GPC6: variants seen among roughly 807,000 people sequenced by gnomAD.
GPC6 encodes glypican-6.
A neutral mutation model predicts 55.2 loss-of-function variants in GPC6; 14 were observed. The ratio of observed to expected loss-of-function variants is 0.25; its 90% CI spans 0.17 to 0.40. GPC6 has a LOEUF of 0.40. Among genes scored for constraint, GPC6 ranks in the 10% least tolerant of loss-of-function variants. The pLI is 1.00. For synonymous variants in GPC6, 278 were observed against 259.6 expected (o/e 1.07, Z -0.68); for missense variants, 641 against 708.5 (o/e 0.90, Z 1.08).
intron 1 of GPC6, among the ~76,000 whole-genome samples, chr13:93,362,270 A>G (rs1448414808): frequency 6.6e-6 from 1 of 152,134 alleles, no homozygotes; most frequent in African/African-American, 2.4e-5. Flanking sequence ...GTTGCCCTGT[A>G]TTCTTCCAAG....
At chr13:93,858,087 A>G (rs548082459) in intron 3 of GPC6, among the ~76,000 whole-genome samples, 2 of 151,590 alleles carry the variant, frequency 1.3e-5, no homozygotes, top group African/African-American at 4.8e-5. Context: ...TTTAAATAAT[A>G]TTAATTATAA....
intron 2 of GPC6, among the ~76,000 whole-genome samples, chr13:93,811,926 TTA>T (rs1206013423): frequency 6.6e-6 from 1 of 152,088 alleles, no homozygotes; most frequent in Non-Finnish European, 1.5e-5. Context: ...ACACTTACTG[TTA>T]TAAGAGAAAG....
intron 3 of GPC6, among the ~76,000 whole-genome samples, chr13:93,970,718 G>A (rs543410672): frequency 6.6e-6 from 1 of 152,292 alleles, no homozygotes; most frequent in South Asian, 2.1e-4. Flanking sequence ...GCCTTGCTCA[G>A]TGCCCTGACA....
At chr13:94,272,528 G>A (rs1892070009) in intron 4 of GPC6, among the ~76,000 whole-genome samples, 1 of 138,982 alleles carries the variant, frequency 7.2e-6, no homozygotes. Context: ...GAGTGCAGTG[G>A]TGCCATCTCA....
chr13:93,789,084 A>G (rs1036564036), intron 2 of GPC6, among the ~76,000 whole-genome samples: 2 of 151,986 alleles, frequency 1.3e-5, no homozygotes, highest in African/African-American at 4.8e-5. Flanking sequence ...AATCAAGGAT[A>G]GCATCAAGGT....
At position 94,231,011 on chromosome 13, in the gene GPC6, C is replaced by T. The variant is rs569665678; in HGVS notation, c.878-55338C>T. ...ACATTGCCTGGCACATAAGGTAGCA[C>T]GTAGCTACATTAAAAAGAATGTACA... is the stretch of plus-strand genomic sequence containing the variant. On this transcript the variant is annotated intron_variant, in intron 4 of 8. Coordinates refer to ENST00000377047, the MANE Select transcript of GPC6 (RefSeq NM_005708.5). Among the ~76,000 whole-genome samples the T allele has an allele frequency of 1.8e-4, 28 of 152,190 alleles. No homozygotes were observed. In the Middle Eastern group the frequency reaches 0.01, roughly 55 times the overall value.
At chr13:93,340,721 G>T (rs1880226398) in intron 1 of GPC6, among the ~76,000 whole-genome samples, 1 of 152,130 alleles carries the variant, frequency 6.6e-6, no homozygotes, top group African/African-American at 2.4e-5. Flanking sequence ...AGGCCTATAG[G>T]CCTCATCATG....
intron 3 of GPC6, chr13:93,836,154 A>G (rs2138990553): frequency 6.6e-6 from 1 of 152,318 alleles, no homozygotes; most frequent in Middle Eastern, 3.4e-3. Context: ...CCTAGAAAGC[A>G]ACAGACAAAG....
In GPC6 at chr13:94,027,871, A is replaced by G. The variant is rs1882963275; in HGVS notation, c.854A>G (p.Asp285Gly). Residue 285 changes from aspartate to glycine, a missense_variant, in exon 4 of 9, where the codon GAC becomes GGC. Coordinates refer to ENST00000377047, the MANE Select transcript of GPC6 (RefSeq NM_005708.5). ...KGCLANQADL[D>G]TEWNLFIDAM... ...TGCTTGGCAAATCAGGCTGACCTCG[A>G]CACAGAGTGGAATCTGTTTATAGGT... 6.2e-7 allele frequency: 1 copy of G among 1,614,108 alleles called. No individual in the cohort carries two copies. Among genetic ancestry groups the G allele is most frequent in the Non-Finnish European group, 8.5e-7 (1 of 1,180,002 alleles).
chr13:93,619,898 G>A (rs895578163), intron 2 of GPC6, among the ~76,000 whole-genome samples: 8 of 151,774 alleles, frequency 5.3e-5, no homozygotes, highest in African/African-American at 1.9e-4. Context: ...TTGATATAAG[G>A]CATGAAAATG....
At chr13:94,251,636 A>G (rs1250428495) in intron 4 of GPC6, among the ~76,000 whole-genome samples, 1 of 152,020 alleles carries the variant, frequency 6.6e-6, no homozygotes, top group East Asian at 1.9e-4. Flanking sequence ...GTCCTTTGTT[A>G]CAACTTGTGA....
intron 6 of GPC6, among the ~76,000 whole-genome samples, chr13:94,364,091 C>T (rs949952905): frequency 2.0e-5 from 3 of 152,174 alleles, no homozygotes; most frequent in Non-Finnish European, 2.9e-5. Context: ...TTGTGGCTTA[C>T]ATGATGTTTC....
chr13:93,324,452 A>G (rs1879567152), intron 1 of GPC6, among the ~76,000 whole-genome samples: 3 of 151,480 alleles, frequency 2.0e-5, no homozygotes, highest in Non-Finnish European at 4.4e-5. Context: ...AACACAAAGG[A>G]TAGATACTTA....
chr13:93,987,531 G>C (rs1329999686), intron 3 of GPC6, among the ~76,000 whole-genome samples: 1 of 152,198 alleles, frequency 6.6e-6, no homozygotes, highest in African/African-American at 2.4e-5. Flanking sequence ...AAATTTGACT[G>C]TGACTATGAA....
chr13:94,297,597 G>T (rs1875412681), intron 5 of GPC6, among the ~76,000 whole-genome samples: 1 of 152,146 alleles, frequency 6.6e-6, no homozygotes, highest in South Asian at 2.1e-4. Flanking sequence ...CAAATGAAAA[G>T]AATTTCTTTT....
At chr13:93,434,999 C>A (rs926142677) in intron 1 of GPC6, among the ~76,000 whole-genome samples, 1 of 152,202 alleles carries the variant, frequency 6.6e-6, no homozygotes, top group African/African-American at 2.4e-5. Context: ...GCCACTATGC[C>A]CAGCCTCATT....
At chr13:93,762,944 T>C (rs1309248904) in intron 2 of GPC6, among the ~76,000 whole-genome samples, 1 of 152,220 alleles carries the variant, frequency 6.6e-6, no homozygotes, top group Non-Finnish European at 1.5e-5. Flanking sequence ...GAGATACGAC[T>C]GACAAGCTGT....
chr13:94,184,132 T>G (rs1360969863), intron 4 of GPC6, among the ~76,000 whole-genome samples: 3 of 152,100 alleles, frequency 2.0e-5, no homozygotes, highest in Non-Finnish European at 4.4e-5. Flanking sequence ...GAACCCAAGA[T>G]GGATTAAAGA....
Position 94,036,547 on chromosome 13 carries a change from A to G in GPC6, c.877+8653A>G, listed in dbSNP as rs894704823. ...AATTAGATGCCAAATAAGGCTGTCA[A>G]TATTCACCACTAAAATCTCAAGGCT... On this transcript the variant is annotated intron_variant, in intron 4 of 8. Transcript: ENST00000377047. 1.1e-4 allele frequency among the ~76,000 whole-genome samples: 16 copies of G among 152,168 alleles called. 1 individual carries two copies. The highest frequency in any genetic ancestry group is 3.4e-3 in the Middle Eastern group (1 of 294).
Sources: allele counts gnomAD v4.1 joint callset (sites outside exome capture counted in the v4.1 genomes callset), GRCh38; gene constraint gnomAD v4.1.1; transcripts MANE v1.5; gene names NCBI Gene and HGNC (gene_info 2026-07-23, HGNC 2026-07-21).